EYS: variants seen among roughly 807,000 people sequenced by gnomAD.
EYS encodes protein eyes shut homolog.
Under a neutral mutation model 282.1 loss-of-function variants are expected in EYS, and 250 were observed. The ratio of observed to expected loss-of-function variants is 0.89; its 90% CI spans 0.80 to 0.98. EYS has a LOEUF of 0.98. Ranked by LOEUF, EYS falls within the 50% of genes least tolerant of loss-of-function variation. EYS has a pLI of 0.00. For synonymous variants in EYS, 1,355 were observed against 1,282.9 expected (o/e 1.06, Z -1.20); for missense variants, 4,016 against 3,709.0 (o/e 1.08, Z -2.15).
intron 35 of EYS, among the ~76,000 whole-genome samples, chr6:63,874,668 C>A (rs1375730243): frequency 1.3e-5 from 2 of 151,538 alleles, no homozygotes; most frequent in Admixed American, 6.6e-5. Context: ...TTGTAGTTCT[C>A]CTTGAAGAGG....
intron 12 of EYS, among the ~76,000 whole-genome samples, chr6:65,065,571 G>C (rs1391658998): frequency 1.3e-5 from 2 of 151,424 alleles, no homozygotes; most frequent in Non-Finnish European, 2.9e-5. Flanking sequence ...ATTTCTAGTA[G>C]AGACGGGGTT....
intron 2 of EYS, among the ~76,000 whole-genome samples, chr6:65,606,967 G>T (rs1765821696): frequency 6.6e-6 from 1 of 151,606 alleles, no homozygotes; most frequent in Non-Finnish European, 1.5e-5. Context: ...AAGCAGGAGT[G>T]AGTAGAATAT....
At chr6:65,152,193 A>G (rs562132790) in intron 12 of EYS, among the ~76,000 whole-genome samples, 8 of 152,100 alleles carry the variant, frequency 5.3e-5, no homozygotes, top group Admixed American at 3.9e-4. Flanking sequence ...TGTGTTGCTA[A>G]GAAATAAAAT....
chr6:64,243,213 G>C (rs895681430), intron 30 of EYS, among the ~76,000 whole-genome samples: 7 of 151,986 alleles, frequency 4.6e-5, no homozygotes, highest in African/African-American at 9.6e-5. Context: ...ATCACTCTCT[G>C]TGTTACATTT....
intron 15 of EYS, among the ~76,000 whole-genome samples, chr6:64,934,813 C>T (rs1006092383): frequency 6.6e-6 from 1 of 151,740 alleles, no homozygotes; most frequent in Non-Finnish European, 1.5e-5. Flanking sequence ...CTTAATTATT[C>T]ACACATAAAA....
At chr6:65,638,046 G>T (rs755511843) in intron 2 of EYS, among the ~76,000 whole-genome samples, 1 of 152,126 alleles carries the variant, frequency 6.6e-6, no homozygotes, top group Admixed American at 6.5e-5. Flanking sequence ...GAGAACTTAC[G>T]GTGCTTTTTT....
At chr6:63,959,239 C>T (rs542071155) in intron 35 of EYS, among the ~76,000 whole-genome samples, 149 of 152,088 alleles carry the variant, frequency 9.8e-4, no homozygotes, top group African/African-American at 3.1e-3. Context: ...AAGACATCTA[C>T]GCAGCCAACA....
At chr6:65,056,814 A>C (rs2150157242) in intron 13 of EYS, among the ~76,000 whole-genome samples, 1 of 152,240 alleles carries the variant, frequency 6.6e-6, no homozygotes, top group Non-Finnish European at 1.5e-5. Context: ...GTATTTAAAT[A>C]ACATTTCTCA....
chr6:65,089,448 A>G (rs1315644211), intron 12 of EYS, among the ~76,000 whole-genome samples: 1 of 152,088 alleles, frequency 6.6e-6, no homozygotes, highest in Non-Finnish European at 1.5e-5. Flanking sequence ...GCCCTATTAG[A>G]TTTTGAACTT....
intron 30 of EYS, among the ~76,000 whole-genome samples, chr6:64,255,405 A>AT (rs1767357109): frequency 6.6e-6 from 1 of 151,988 alleles, no homozygotes; most frequent in Non-Finnish European, 1.5e-5. Flanking sequence ...TTTGTAATGG[A>AT]TTTTTTAATA....
intron 37 of EYS, among the ~76,000 whole-genome samples, chr6:63,790,387 T>A (rs567042466): frequency 8.9e-4 from 135 of 152,332 alleles, no homozygotes; most frequent in African/African-American, 3.0e-3. Context: ...ACTTGAACGC[T>A]GCCTCTGCTT....
At chr6:64,185,815 C>T (rs1271100989) in intron 31 of EYS, among the ~76,000 whole-genome samples, 1 of 152,126 alleles carries the variant, frequency 6.6e-6, no homozygotes, top group Admixed American at 6.6e-5. Flanking sequence ...TGTCAGAGAG[C>T]TACTTCCAGA....
intron 15 of EYS, among the ~76,000 whole-genome samples, chr6:64,932,877 A>T (rs1768771791): frequency 6.6e-6 from 1 of 152,080 alleles, no homozygotes; most frequent in African/African-American, 2.4e-5. Context: ...ATCCCAGTGA[A>T]ACACTAGACA....
rs185220075 is a variant in EYS, at chr6:64,556,565, C to T, written c.5644+33658G>A. On this transcript the variant is annotated intron_variant, in intron 26 of 42. Transcript: ENST00000503581. ...ATATTTTGATTATATGTAAACTATACATCTATCTAAATTAATCAAATTATA... is the reference window on the plus strand; with the variant it reads ...ATATTTTGATTATATGTAAACTATATATCTATCTAAATTAATCAAATTATA... Among the ~76,000 whole-genome samples the T allele has an allele frequency of 5.9e-5, 9 of 152,008 alleles. 1 individual carries two copies. The highest frequency in any genetic ancestry group is 5.9e-4 in the Admixed American group (9 of 15,246).
chr6:65,377,881 A>G (rs1304815558), intron 8 of EYS, among the ~76,000 whole-genome samples: 1 of 152,152 alleles, frequency 6.6e-6, no homozygotes, highest in Non-Finnish European at 1.5e-5. Context: ...GAATAGACCA[A>G]TAAAAAGTTC....
intron 19 of EYS, among the ~76,000 whole-genome samples, chr6:64,870,416 C>G (rs545003496): frequency 7.1e-6 from 1 of 141,042 alleles, no homozygotes; most frequent in Non-Finnish European, 1.5e-5. Flanking sequence ...TTACCCCCCT[C>G]CTCCCCCCTC....
chr6:64,661,278 A>G (rs1017939387), intron 22 of EYS, among the ~76,000 whole-genome samples: 1 of 152,216 alleles, frequency 6.6e-6, no homozygotes, highest in Non-Finnish European at 1.5e-5. Context: ...TGAAACCATA[A>G]AAACCCTAGA....
rs114048976 is a variant in EYS at position 63,762,274 on chromosome 6, T to C, written c.8071+187A>G. 6.3e-3 allele frequency among the ~76,000 whole-genome samples: 963 copies of C among 152,200 alleles called. 9 individuals are homozygous for C. Among genetic ancestry groups the C allele is most frequent in the African/African-American group, 0.022 (900 of 41,540 alleles). On this transcript the variant is annotated intron_variant, in intron 41 of 42. Transcript: ENST00000503581. ...AAAGCAATACTAAAAGCCATATTTTTTGTACTACTGAATTTTAAGTACTAG... is the reference window on the plus strand; with the variant it reads ...AAAGCAATACTAAAAGCCATATTTTCTGTACTACTGAATTTTAAGTACTAG...
intron 30 of EYS, among the ~76,000 whole-genome samples, chr6:64,235,675 A>T (rs1181462110): frequency 6.6e-6 from 1 of 152,164 alleles, no homozygotes; most frequent in African/African-American, 2.4e-5. Flanking sequence ...ACTGACTTCC[A>T]CAATGGTTGA....
Sources: gnomAD v4.1 joint callset for allele counts (sites outside exome capture counted in the v4.1 genomes callset) on GRCh38, gnomAD v4.1.1 for gene constraint, MANE v1.5 for transcripts, NCBI Gene and HGNC (gene_info 2026-07-23, HGNC 2026-07-21) for gene names.